Variants in SPON1 observed in about 807,000 individuals in gnomAD.
SPON1 encodes the protein spondin-1.
SPON1 carries 52 observed loss-of-function variants against 111.7 expected under a neutral mutation model. The ratio of observed to expected loss-of-function variants is 0.47; its 90% CI spans 0.37 to 0.59. The LOEUF is 0.59. Ranked by LOEUF, SPON1 falls within the 20% of genes least tolerant of loss-of-function variation. SPON1 has a pLI of 0.00. For missense variants in SPON1, 957 were observed against 1,068.5 expected, an observed-to-expected ratio of 0.90 and a Z score of 1.46; for synonymous variants, 410 against 395.8, an observed-to-expected ratio of 1.04 and a Z score of -0.43.
chr11:13,986,719 C>T (rs868912520), intron 2 of SPON1, among the ~76,000 whole-genome samples: 8 of 151,918 alleles, frequency 5.3e-5, no homozygotes, highest in Non-Finnish European at 7.4e-5. Flanking sequence ...CCCTAGCCCC[C>T]GACCCCCCGA....
intron 6 of SPON1, among the ~76,000 whole-genome samples, chr11:14,210,483 C>A (rs1554936598): frequency 6.6e-6 from 1 of 151,816 alleles, no homozygotes; most frequent in Non-Finnish European, 1.5e-5. Flanking sequence ...ACTGCAACCT[C>A]CACCACCCGG....
At chr11:14,023,708 T>C (rs1278614532) in intron 2 of SPON1, among the ~76,000 whole-genome samples, 2 of 151,926 alleles carry the variant, frequency 1.3e-5, no homozygotes, top group African/African-American at 4.8e-5. Context: ...AAGAGCAGTA[T>C]GGAAAAAAGA....
At chr11:14,090,610 CG>C (rs1849043251) in intron 5 of SPON1, among the ~76,000 whole-genome samples, 1 of 151,796 alleles carries the variant, frequency 6.6e-6, no homozygotes. Flanking sequence ...TGGAGTTGTT[CG>C]TTCCTCCTGG....
At chr11:14,209,267 A>C (rs1287048611) in intron 6 of SPON1, among the ~76,000 whole-genome samples, 1 of 152,032 alleles carries the variant, frequency 6.6e-6, no homozygotes, top group African/African-American at 2.4e-5. Flanking sequence ...AAGAAAAATA[A>C]TTTTTTTATT....
In SPON1 at chr11:14,001,334, G is replaced by A. The variant is rs1528666; in HGVS notation, c.345+18381G>A. On this transcript the variant is annotated intron_variant, in intron 2 of 15. Transcript: ENST00000576479. ...CCAGGAGCCCTCATCAGGTTCTCAC[G>A]GTGAAAATCAGAGAAATCTCCTCCA... 5.3e-3 allele frequency among the ~76,000 whole-genome samples: 805 copies of A among 152,212 alleles called. 9 individuals carry two copies. The highest frequency in any genetic ancestry group is 0.018 in the African/African-American group (738 of 41,526).
intron 2 of SPON1, among the ~76,000 whole-genome samples, chr11:14,004,527 T>C (rs1489694678): frequency 6.6e-6 from 1 of 152,210 alleles, no homozygotes; most frequent in Non-Finnish European, 1.5e-5. Context: ...ATAGCTATCC[T>C]TATGGATGTG....
At chr11:14,250,043 G>T (rs139912539) in intron 7 of SPON1, among the ~76,000 whole-genome samples, 1,544 of 152,252 alleles carry the variant, frequency 0.01, 20 homozygotes, top group African/African-American at 0.035. Flanking sequence ...TATCTGATGT[G>T]AATTGTCTGT....
chr11:13,988,545 C>A (rs1848203142), intron 2 of SPON1, among the ~76,000 whole-genome samples: 2 of 152,096 alleles, frequency 1.3e-5, no homozygotes, highest in South Asian at 4.1e-4. Flanking sequence ...TTATTTCTTT[C>A]TCTTGTCTGA....
intron 2 of SPON1, among the ~76,000 whole-genome samples, chr11:14,022,591 T>A (rs1848488813): frequency 6.6e-6 from 1 of 152,216 alleles, no homozygotes; most frequent in Non-Finnish European, 1.5e-5. Context: ...TTTCCTCCTC[T>A]ATAAAATGGG....
intron 11 of SPON1, 72 bp downstream of exon 11, chr11:14,257,970 C>T: frequency 7.1e-7 from 1 of 1,401,918 alleles, no homozygotes; most frequent in Non-Finnish European, 9.4e-7. Flanking sequence ...AGCAGTCAGA[C>T]AGTGTCCCTG....
chr11:14,174,854 C>A (rs782282392), intron 6 of SPON1, among the ~76,000 whole-genome samples: 38 of 152,236 alleles, frequency 2.5e-4, no homozygotes, highest in South Asian at 1.2e-3. Flanking sequence ...CCTTTCAAAT[C>A]TCTTATTACC....
chr11:14,193,637 G>T (rs1055139010), intron 6 of SPON1, among the ~76,000 whole-genome samples: 7 of 152,128 alleles, frequency 4.6e-5, no homozygotes, highest in African/African-American at 1.7e-4. Context: ...GTCTTCTGAG[G>T]CTCTGCCTTT....
At chr11:14,199,087 G>A (rs1386493155) in intron 6 of SPON1, among the ~76,000 whole-genome samples, 3 of 152,086 alleles carry the variant, frequency 2.0e-5, no homozygotes, top group African/African-American at 4.8e-5. Context: ...TTGGTACAGA[G>A]TTACTAAGCA....
intron 6 of SPON1, among the ~76,000 whole-genome samples, chr11:14,186,155 C>T (rs1176382960): frequency 1.3e-5 from 2 of 152,194 alleles, no homozygotes; most frequent in African/African-American, 2.4e-5. Flanking sequence ...GCAAGCCAGA[C>T]ACATGTGACA....
chr11:14,082,239 C>T (rs1322860012), intron 5 of SPON1, among the ~76,000 whole-genome samples: 3 of 151,976 alleles, frequency 2.0e-5, no homozygotes, highest in African/African-American at 7.3e-5. Flanking sequence ...CAAATCTATA[C>T]AGAGTTTCTG....
chr11:14,204,160 CA>C (rs1848492649), intron 6 of SPON1, among the ~76,000 whole-genome samples: 1 of 152,224 alleles, frequency 6.6e-6, no homozygotes, highest in South Asian at 2.1e-4. Flanking sequence ...CTGTAGCTTT[CA>C]AATTGCTCCA....
intron 5 of SPON1, among the ~76,000 whole-genome samples, chr11:14,093,554 C>T (rs1278310420): frequency 1.3e-5 from 2 of 152,102 alleles, no homozygotes; most frequent in African/African-American, 4.8e-5. Flanking sequence ...TCACGTTTTC[C>T]GTTTGACAAT....
At chr11:14,186,792 A>G (rs1231042340) in intron 6 of SPON1, among the ~76,000 whole-genome samples, 4 of 152,204 alleles carry the variant, frequency 2.6e-5, no homozygotes, top group Non-Finnish European at 5.9e-5. Flanking sequence ...ACAGAAGTAA[A>G]GCTAACACTA....
At chr11:14,030,631 C>T (rs1248440907) in intron 2 of SPON1, among the ~76,000 whole-genome samples, 3 of 152,194 alleles carry the variant, frequency 2.0e-5, no homozygotes, top group Non-Finnish European at 4.4e-5. Flanking sequence ...AGTTCAGAGA[C>T]ATGCAAATCA....
Sources: allele counts gnomAD v4.1 joint callset (sites outside exome capture counted in the v4.1 genomes callset), GRCh38; gene constraint gnomAD v4.1.1; transcripts MANE v1.5; gene names NCBI Gene and HGNC (gene_info 2026-07-23, HGNC 2026-07-21).